Variants in NME9 observed in about 807,000 individuals in gnomAD.
NME9 encodes thioredoxin domain-containing protein 6.
In NME9, 48 loss-of-function variants were observed where a neutral mutation model predicts 44.4. That is an observed-to-expected ratio of 1.08 (90% CI 0.86 to 1.37). The LOEUF (loss-of-function observed/expected upper bound fraction) is 1.37. Ranked by LOEUF, NME9 falls within the 40% of genes most tolerant of loss-of-function variation. The probability of loss-of-function intolerance (pLI) is 0.00; values close to 1 mark genes in which losing one functional copy is unlikely to be tolerated. For synonymous variants in NME9, 139 were observed against 147.1 expected, an observed-to-expected ratio of 0.94 and a Z score of 0.40; for missense variants, 325 against 405.2, an observed-to-expected ratio of 0.80 and a Z score of 1.70.
chr3:138,319,858 C>G (rs116640904), intron 2 of NME9, among the ~76,000 whole-genome samples: 2,854 of 152,278 alleles, frequency 0.019, 43 homozygotes, highest in Non-Finnish European at 0.027. Flanking sequence ...AAGGGTTCTT[C>G]AGGCTACATT....
chr3:138,273,885 C>T (rs1253366876), intron 8 of NME9, among the ~76,000 whole-genome samples: 1 of 151,608 alleles, frequency 6.6e-6, no homozygotes, highest in African/African-American at 2.4e-5. Flanking sequence ...GGCACAGTCT[C>T]CGGTCATTGC....
intron 6 of NME9, among the ~76,000 whole-genome samples, chr3:138,311,638 C>G (rs1187652811): frequency 1.3e-5 from 2 of 152,064 alleles, no homozygotes. Context: ...AGAACAAAAA[C>G]CATATAATCA....
At chr3:138,300,631 G>A (rs2051789884), downstream of NME9, among the ~76,000 whole-genome samples, 2 of 152,234 alleles carry the variant, frequency 1.3e-5, no homozygotes, top group Admixed American at 1.3e-4. Flanking sequence ...GGATGGCTAA[G>A]CCAGGCAATT....
At position 138,329,291 on chromosome 3, in the gene NME9, C is replaced by T; in HGVS notation, c.33+12G>A. The stretch of plus-strand genomic sequence containing the variant: ...AACCCAGAGCTGGAAGCTAGCGCCC[C>T]TTGAGGCTTACCTGCAGGGCAATTT... On this transcript the variant is annotated intron_variant, in intron 1 of 10. Coordinates refer to ENST00000333911, the MANE Select transcript of NME9 (RefSeq NM_001349018.2). The T allele has an allele frequency of 6.5e-7, 1 of 1,535,860 alleles. No individual in the cohort carries two copies. Among genetic ancestry groups the T allele is most frequent in the East Asian group, 2.4e-5 (1 of 40,904 alleles).
chr3:138,280,325 A>G (rs1485576431), intron 8 of NME9, among the ~76,000 whole-genome samples: 1 of 148,860 alleles, frequency 6.7e-6, no homozygotes, highest in Non-Finnish European at 1.5e-5. Flanking sequence ...TATTATTATT[A>G]TATATATTTT....
intron 8 of NME9, chr3:138,269,973 A>G: frequency 1.0e-6 from 1 of 982,280 alleles, no homozygotes; most frequent in Non-Finnish European, 1.6e-6. Flanking sequence ...GTGCCAAGGT[A>G]TATGCATGTT....
At chr3:138,272,894 A>G in intron 8 of NME9, 2 of 1,258,508 alleles carry the variant, frequency 1.6e-6, no homozygotes, top group East Asian at 2.8e-5. Context: ...AAAAATTACC[A>G]GAGTTACTAT....
At chr3:138,323,915 T>G (rs998204957) in intron 2 of NME9, among the ~76,000 whole-genome samples, 3 of 152,218 alleles carry the variant, frequency 2.0e-5, no homozygotes, top group African/African-American at 7.2e-5. Flanking sequence ...TTGGTCCTCA[T>G]GTACTTGTGT....
At chr3:138,287,185 CAGG>C (rs2050512767) in intron 8 of NME9, among the ~76,000 whole-genome samples, 1 of 152,204 alleles carries the variant, frequency 6.6e-6, no homozygotes, top group Non-Finnish European at 1.5e-5. Flanking sequence ...TTAAATCTTT[CAGG>C]GGCTTCCTCT....
Position 138,319,504 on chromosome 3 carries a change from C to A in NME9, c.169G>T (p.Gly57Cys). ...SLFQKMRIEV[G>C]LDLLHFALAE... ...AATGCAAAGTGCAGAAGGTCCAGGC[C>A]GACCTCGATCCTCATCTTCTGGAAG... The change falls in exon 3 of 11, where the codon GGC (glycine) becomes TGC (cysteine). Residue 57 changes from glycine to cysteine, a missense_variant. Coordinates refer to ENST00000333911, the MANE Select transcript of NME9 (RefSeq NM_001349018.2). The A allele has an allele frequency of 1.2e-6, 2 of 1,611,330 alleles. No individual in the cohort carries two copies. Among genetic ancestry groups the A allele is most frequent in the East Asian group, 2.2e-5 (1 of 44,868 alleles).
chr3:138,277,101 TAG>T (rs927159004), intron 8 of NME9, among the ~76,000 whole-genome samples: 1 of 152,292 alleles, frequency 6.6e-6, no homozygotes, highest in East Asian at 1.9e-4. Context: ...TGGAACAGAC[TAG>T]AGAGTCCAGA....
intron 8 of NME9, chr3:138,289,147 A>G (rs2050708030): frequency 1.3e-6 from 2 of 1,576,912 alleles, no homozygotes; most frequent in African/African-American, 1.3e-5. Flanking sequence ...ATTTGTTTTG[A>G]AAAAAATTAT....
intron 8 of NME9, chr3:138,272,903 A>G (rs1266816792): frequency 7.7e-7 from 1 of 1,295,756 alleles, no homozygotes; most frequent in East Asian, 2.8e-5. Context: ...CAGAGTTACT[A>G]TTAAAATATA....
intron 9 of NME9, 131 bp downstream of exon 9, chr3:138,304,742 T>C (rs1446912248): frequency 1.5e-5 from 14 of 913,476 alleles, no homozygotes; most frequent in Non-Finnish European, 2.4e-5. Flanking sequence ...TCCCCAAATA[T>C]ATAATAGAGA....
chr3:138,291,438 A>C (rs1367637182), intron 8 of NME9, among the ~76,000 whole-genome samples: 1 of 152,198 alleles, frequency 6.6e-6, no homozygotes, highest in African/African-American at 2.4e-5. Context: ...GTCCCCATTC[A>C]TTCATCAGAT....
rs747210234 is a variant in NME9 at position 138,319,588 on chromosome 3, G to A, written c.92-7C>T. On this transcript the variant is annotated splice_region_variant and splice_polypyrimidine_tract_variant and intron_variant, in intron 2 of 10. Transcript: ENST00000333911. ...CCTTGATAGACATCAACAACTGTGT[G>A]GAACCAAGAAGCAGGAACATTCAGT... The A allele has an allele frequency of 1.2e-5, 18 of 1,549,130 alleles. No homozygotes were observed. Among genetic ancestry groups the A allele is most frequent in the African/African-American group, 2.7e-5 (2 of 73,696 alleles).
At chr3:138,268,893 A>ATT (rs1401841564) in intron 8 of NME9, among the ~76,000 whole-genome samples, 1 of 152,240 alleles carries the variant, frequency 6.6e-6, no homozygotes, top group East Asian at 1.9e-4. Flanking sequence ...AGATTTGATT[A>ATT]AAGTATTATT....
At chr3:138,304,748 A>C (rs2052107821) in intron 9 of NME9, 125 bp downstream of exon 9, 3 of 949,672 alleles carry the variant, frequency 3.2e-6, no homozygotes, top group South Asian at 1.6e-5. Flanking sequence ...AATATATAAT[A>C]GAGAGCCTGG....
chr3:138,308,961 A>C (rs1042206310), intron 6 of NME9, among the ~76,000 whole-genome samples: 47 of 151,236 alleles, frequency 3.1e-4, no homozygotes, highest in African/African-American at 1.1e-3. Context: ...AAAAAAAAAA[A>C]AAAAAAAACT....
Sources: allele counts gnomAD v4.1 joint callset (sites outside exome capture counted in the v4.1 genomes callset), GRCh38; gene constraint gnomAD v4.1.1; transcripts MANE v1.5; gene names NCBI Gene and HGNC (gene_info 2026-07-23, HGNC 2026-07-21).